Variants in RGS14 observed in about 807,000 individuals in gnomAD.
RGS14 encodes the protein regulator of G-protein signaling 14.
RGS14 carries 33 observed loss-of-function variants against 63.8 expected under a neutral mutation model. That is an observed-to-expected ratio of 0.52 (90% CI 0.39 to 0.69). RGS14 has a LOEUF of 0.69. Among genes scored for constraint, RGS14 ranks in the 30% least tolerant of loss-of-function variants. RGS14 has a pLI of 0.00. For synonymous variants in RGS14, 296 were observed against 320.9 expected (o/e 0.92, Z 0.83); for missense variants, 739 against 742.9 (o/e 0.99, Z 0.06).
intron 9 of RGS14, 68 bp from the exon 10 acceptor site, chr5:177,370,523 C>T (rs535059653): frequency 6.9e-7 from 1 of 1,447,998 alleles, no homozygotes. Context: ...TGAAGTTGTT[C>T]TCAGACCCAC....
rs149981884 is a variant in RGS14 at position 177,371,995 on chromosome 5, G to C, written c.1621G>C (p.Glu541Gln). Residue 541 changes from glutamate to glutamine, a missense_variant, in exon 15 of 15, where the codon GAG (glutamate) becomes CAG (glutamine). By Grantham distance (29) the Glu-to-Gln change is conservative. Coordinates refer to ENST00000408923, the MANE Select transcript of RGS14 (RefSeq NM_006480.5). The surrounding 1 kb of genome is among the most constrained non-coding windows in gnomAD (Gnocchi z 6.1). ...GCTGCCCGCCCAAGGGCCCAGCTCC[G>C]AGGAGACCCCACCACAGACCAAATC... Reference protein sequence around the residue: ...LQLPAQGPSSEETPPQTKSAA... With the variant: ...LQLPAQGPSSQETPPQTKSAA... The C allele has an allele frequency of 4.9e-5, 79 of 1,614,006 alleles. No individual in the cohort carries two copies. Among genetic ancestry groups the C allele is most frequent in the East Asian group, 3.3e-4 (15 of 44,890 alleles).
At position 177,371,454 on chromosome 5, in the gene RGS14, T is replaced by C. The variant is rs568999572; in HGVS notation, c.1384-21T>C. ...CTGCTTCTCCCCTCCCGATTTTGGCTCTGACCCCAAATTCTCGCAGGGCTG... is the reference window on the plus strand; with the variant it reads ...CTGCTTCTCCCCTCCCGATTTTGGCCCTGACCCCAAATTCTCGCAGGGCTG... On this transcript the variant is annotated intron_variant, in intron 13 of 14. Coordinates refer to ENST00000408923, the MANE Select transcript of RGS14 (RefSeq NM_006480.5). The surrounding 1 kb of genome is among the most constrained non-coding windows in gnomAD (Gnocchi z 6.1). 3.1e-6 allele frequency: 5 copies of C among 1,613,948 alleles called. No individual in the cohort carries two copies. The South Asian group carries it at 4.4e-5, about 14-fold the overall frequency.
rs138362437 is a variant in RGS14, at chr5:177,368,905, G to C, written c.1038G>C (p.Leu346=). The C allele has an allele frequency of 1.4e-3, 2,327 of 1,614,100 alleles. 55 individuals are homozygous for C. In the East Asian group the frequency reaches 0.046, roughly 32 times the overall value. The change falls in exon 9 of 15, where the codon CTG becomes CTC. Residue 346 remains leucine, a synonymous_variant. Coordinates refer to ENST00000408923, the MANE Select transcript of RGS14 (RefSeq NM_006480.5). ...CTCTACCTGACATCAAGGTCTACCT[G>C]GTGGGCAATGAACAGGTGGGAACGT... The part of the protein sequence containing the change: ...GLSLPDIKVY[L]VGNEQALVLD...
intron 9 of RGS14, among the ~76,000 whole-genome samples, chr5:177,369,227 C>T (rs912103639): frequency 1.1e-4 from 17 of 152,220 alleles, no homozygotes; most frequent in African/African-American, 3.9e-4. Flanking sequence ...TCCCCACAGA[C>T]CCATCCTGGA....
chr5:177,367,125 G>T (rs1581619929), intron 5 of RGS14, 91 bp downstream of exon 5: 2 of 1,478,164 alleles, frequency 1.4e-6, no homozygotes, highest in Non-Finnish European at 9.1e-7. Flanking sequence ...ACTACAAAGC[G>T]GAGGGGGCAA....
chr5:177,372,110 C>G lies in RGS14; in HGVS notation c.*35C>G, dbSNP rs1031284604. On this transcript the variant is annotated 3_prime_UTR_variant, in exon 15 of 15. Transcript: ENST00000408923. Reference sequence around the variant, plus strand: ...AACAGTCCAGGACAGCTGCATGGCACCCGGCGGGCCGAGCATGCCATGGGT... The same window carrying G: ...AACAGTCCAGGACAGCTGCATGGCAGCCGGCGGGCCGAGCATGCCATGGGT... The G allele has an allele frequency of 2.5e-6, 4 of 1,588,196 alleles. No individual in the cohort carries two copies. The African/African-American group carries it at 4.0e-5, about 16-fold the overall frequency.
chr5:177,360,453 T>A (rs887817809), intron 1 of RGS14, among the ~76,000 whole-genome samples: 1 of 150,600 alleles, frequency 6.6e-6, no homozygotes, highest in African/African-American at 2.4e-5. Flanking sequence ...TAGTCCCAGC[T>A]ACTGGGAAAC....
Position 177,371,659 on chromosome 5 carries a change from CAG to C in RGS14, c.1498+75_1498+76del. On this transcript the variant is annotated intron_variant, in intron 14 of 14. Coordinates refer to ENST00000408923, the MANE Select transcript of RGS14 (RefSeq NM_006480.5). The surrounding 1 kb of genome is among the most constrained non-coding windows in gnomAD (Gnocchi z 6.1). ...GGTTGGGGACCATTCAGGGTGGCATCAGAGAGCCTTGAGCTAAGGCAGGGGGC... is the reference window on the plus strand; with the variant it reads ...GGTTGGGGACCATTCAGGGTGGCATCAGAGCCTTGAGCTAAGGCAGGGGGC... 2 of 1,484,242 alleles carry C rather than the reference CAG, an allele frequency of 1.3e-6. No individual in the cohort carries two copies. Among genetic ancestry groups the C allele is most frequent in the Non-Finnish European group, 1.9e-6 (2 of 1,067,480 alleles). The allele number at this position is 1,484,242 out of a possible 1,614,324, so 91.9% of individuals were successfully genotyped here.
At chr5:177,369,120 A>G (rs983833861) in intron 9 of RGS14, 200 bp downstream of exon 9, 1 of 611,490 alleles carries the variant, frequency 1.6e-6, no homozygotes, top group South Asian at 1.9e-5. Context: ...ACCTTCATCC[A>G]TCATCCTATT....
At position 177,371,085 on chromosome 5, in the gene RGS14, C is replaced by CGGGGCGGGG. The variant is rs1207684484; in HGVS notation, c.1254+54_1254+55insGGGGCGGGG. ...GGGCGGGGCCGGGCCGGGGCCGGGG[C>CGGGGCGGGG]CGGGGCCGGGGCCGGGGCCGGGGCC... is the stretch of plus-strand genomic sequence containing the variant. On this transcript the variant is annotated intron_variant, in intron 11 of 14. Coordinates refer to ENST00000408923, the MANE Select transcript of RGS14 (RefSeq NM_006480.5). The surrounding 1 kb of genome is among the most constrained non-coding windows in gnomAD (Gnocchi z 6.1). 2.5e-6 allele frequency: 1 copy of CGGGGCGGGG among 401,660 alleles called. No individual in the cohort carries two copies. The highest frequency in any genetic ancestry group is 5.1e-5 in the African/African-American group (1 of 19,712). The allele number at this position is 401,660 out of a possible 1,614,324, so 24.9% of individuals were successfully genotyped here.
intron 5 of RGS14, 114 bp downstream of exon 5, chr5:177,367,148 A>G: frequency 7.3e-7 from 1 of 1,377,564 alleles, no homozygotes. Flanking sequence ...TTGGAGGCGG[A>G]GACAGAGCCA....
In RGS14 at chr5:177,359,352, C is replaced by T. The variant is rs1761904740; in HGVS notation, c.45+1283C>T. The stretch of plus-strand genomic sequence containing the variant: ...GCAAAAAGAAAACCCACCTCCCTTG[C>T]ATTCCCATGTCACAGGCATGACACT... On this transcript the variant is annotated intron_variant, in intron 1 of 14. Coordinates refer to ENST00000408923, the MANE Select transcript of RGS14 (RefSeq NM_006480.5). The surrounding 1 kb of genome is among the most constrained non-coding windows in gnomAD (Gnocchi z 4.4). 2.0e-5 allele frequency among the ~76,000 whole-genome samples: 3 copies of T among 152,208 alleles called. No homozygotes were observed. The South Asian group carries it at 6.2e-4, about 31-fold the overall frequency.
rs1184409577 is a variant in RGS14, at chr5:177,359,681, T to C, written c.45+1612T>C. ...TTTATCTTTGCCCTTCCTGGGCCTG[T>C]TCCAAACTCTCTGTGCCACCTCTTA... On this transcript the variant is annotated intron_variant, in intron 1 of 14. Coordinates refer to ENST00000408923, the MANE Select transcript of RGS14 (RefSeq NM_006480.5). This position sits in a 1 kb window ranked among gnomAD's most constrained non-coding sequence, Gnocchi z 4.4. Among the ~76,000 whole-genome samples, 1 of 152,230 alleles carries C rather than the reference T, an allele frequency of 6.6e-6. No homozygotes were observed. Among genetic ancestry groups the C allele is most frequent in the Non-Finnish European group, 1.5e-5 (1 of 68,040 alleles).
chr5:177,362,407 G>A (rs929836582), intron 1 of RGS14, among the ~76,000 whole-genome samples: 1 of 152,176 alleles, frequency 6.6e-6, no homozygotes, highest in South Asian at 2.1e-4. Context: ...AGGGAGTTCA[G>A]ATCTGACCCC....
chr5:177,359,353 A>T lies in RGS14; in HGVS notation c.45+1284A>T, dbSNP rs1175247351. ...CAAAAAGAAAACCCACCTCCCTTGC[A>T]TTCCCATGTCACAGGCATGACACTT... is the stretch of plus-strand genomic sequence containing the variant. On this transcript the variant is annotated intron_variant, in intron 1 of 14. Transcript: ENST00000408923. The surrounding 1 kb of genome is among the most constrained non-coding windows in gnomAD (Gnocchi z 4.4). Among the ~76,000 whole-genome samples the T allele has an allele frequency of 1.3e-5, 2 of 152,148 alleles. No individual in the cohort carries two copies. Among genetic ancestry groups the T allele is most frequent in the East Asian group, 3.9e-4 (2 of 5,190 alleles).
Position 177,371,153 on chromosome 5 carries a change from C to A in RGS14, c.1255-12C>A, listed in dbSNP as rs893259669. The stretch of plus-strand genomic sequence containing the variant: ...GAGGCCTGTACCGCGGGCTGCTGAC[C>A]TCTCCCCACAGCCAGGCGAGAAACA... On this transcript the variant is annotated splice_polypyrimidine_tract_variant and intron_variant, in intron 11 of 14. Transcript: ENST00000408923. The surrounding 1 kb of genome is among the most constrained non-coding windows in gnomAD (Gnocchi z 6.1). 4 of 1,608,688 alleles carry A rather than the reference C, an allele frequency of 2.5e-6. No homozygotes were observed. Among genetic ancestry groups the A allele is most frequent in the African/African-American group, 2.7e-5 (2 of 74,522 alleles).
intron 7 of RGS14, 80 bp downstream of exon 7, chr5:177,367,905 G>A (rs913118553): frequency 6.9e-7 from 1 of 1,459,134 alleles, no homozygotes. Flanking sequence ...TTCCTCCTAC[G>A]TGGCCCACAG....
In RGS14 at chr5:177,371,068, C is replaced by CGGGGCGGGGCGGGGCGGGGCGGGGCGGGG. The variant is rs753492884; in HGVS notation, c.1254+37_1254+38insGGGGCGGGGCGGGGCGGGGCGGGGCGGGG. 2.5e-5 allele frequency: 15 copies of CGGGGCGGGGCGGGGCGGGGCGGGGCGGGG among 600,730 alleles called. No homozygotes were observed. The African/African-American group carries it at 5.7e-4, about 23-fold the overall frequency. 37.2% of individuals were successfully genotyped at this position (600,730 alleles called of 1,614,324 possible). On this transcript the variant is annotated intron_variant, in intron 11 of 14. Transcript: ENST00000408923. The surrounding 1 kb of genome is among the most constrained non-coding windows in gnomAD (Gnocchi z 6.1). ...GGCCGCGGGGCGGGGCGGGGCGGGG[C>CGGGGCGGGGCGGGGCGGGGCGGGGCGGGG]CGGGCCGGGGCCGGGGCCGGGGCCG...
At chr5:177,366,499 G>A in intron 3 of RGS14, 144 bp downstream of exon 3, 4 of 868,576 alleles carry the variant, frequency 4.6e-6, no homozygotes, top group South Asian at 1.8e-5. Context: ...TCCCAGCTGG[G>A]AACTTTTCTT....
Sources: allele counts gnomAD v4.1 joint callset (sites outside exome capture counted in the v4.1 genomes callset), GRCh38; gene constraint gnomAD v4.1.1; non-coding constraint Gnocchi (gnomAD v3.1); transcripts MANE v1.5; gene names NCBI Gene and HGNC (gene_info 2026-07-23, HGNC 2026-07-21).